The following FRMD7 variants were observed in gnomAD, a reference collection of about 807,000 sequenced individuals.
FRMD7 encodes FERM domain-containing protein 7.
Under a neutral mutation model 44.1 loss-of-function variants are expected in FRMD7, and 14 were observed. That is an observed-to-expected ratio of 0.32 (90% CI 0.21 to 0.50). The LOEUF (loss-of-function observed/expected upper bound fraction) is 0.50. Among genes scored for constraint, FRMD7 ranks in the 20% least tolerant of loss-of-function variants. The pLI, the probability that FRMD7 is intolerant of heterozygous loss-of-function variation, is 0.99. For synonymous variants in FRMD7, 212 were observed against 187.4 expected, an observed-to-expected ratio of 1.13 and a Z score of -1.07; for missense variants, 501 against 522.3, an observed-to-expected ratio of 0.96 and a Z score of 0.40.
Position 132,099,875 on chromosome X carries a change from T to C in FRMD7, c.163-365A>G, listed in dbSNP as rs369372645. The stretch of plus-strand genomic sequence containing the variant: ...CTCCAGTCCCCAAATGCCAGTCTAA[T>C]AGACATAATGAGCCTTTCTGGGAAG... On this transcript the variant is annotated intron_variant, in intron 2 of 11. Coordinates refer to ENST00000298542, the MANE Select transcript of FRMD7 (RefSeq NM_194277.3). 5.3e-4 allele frequency among the ~76,000 whole-genome samples: 59 copies of C among 111,839 alleles called. No individual in the cohort carries two copies. In the East Asian group the frequency reaches 0.014, roughly 27 times the overall value.
intron 1 of FRMD7, among the ~76,000 whole-genome samples, chrX:132,126,334 A>G (rs1453520009): frequency 9.0e-6 from 1 of 111,658 alleles, no homozygotes; most frequent in Non-Finnish European, 1.9e-5. Context: ...AATCTCTCCC[A>G]TTATCTTTCC....
intron 1 of FRMD7, among the ~76,000 whole-genome samples, chrX:132,121,419 A>G (rs967830147): frequency 9.0e-6 from 1 of 111,680 alleles, no homozygotes; most frequent in African/African-American, 3.3e-5. Flanking sequence ...CTTGGACATA[A>G]GAAGCAGGAC....
intron 1 of FRMD7, among the ~76,000 whole-genome samples, chrX:132,123,752 T>C (rs978831465): frequency 8.9e-6 from 1 of 112,457 alleles, no homozygotes; most frequent in African/African-American, 3.2e-5. Context: ...ACTTACTATA[T>C]TCTGTTACTG....
In FRMD7 at chrX:132,078,609, C is replaced by T; in HGVS notation, c.1408G>A (p.Ala470Thr). Residue 470 changes from alanine to threonine, a missense_variant, in exon 12 of 12, where the codon GCA (alanine) becomes ACA (threonine). Physicochemically the swap from Ala to Thr is moderately conservative, Grantham distance 58 (BLOSUM62 0). Around this residue, in one of 3 missense-constraint regions of FRMD7, gnomAD observed 453 missense variants for 452.7 expected, o/e 1.00. Coordinates refer to ENST00000298542, the MANE Select transcript of FRMD7 (RefSeq NM_194277.3). ...YSGLTSKVRP[A>T]KQLTYTDVPY... Reference sequence around the variant, plus strand: ...ACATCCGTGTAAGTTAGCTGCTTTGCTGGACGCACTTTGCTTGTGAGGCCA... The same window carrying T: ...ACATCCGTGTAAGTTAGCTGCTTTGTTGGACGCACTTTGCTTGTGAGGCCA... The T allele has an allele frequency of 3.3e-6, 4 of 1,211,157 alleles. No homozygotes were observed. The highest frequency in any genetic ancestry group is 4.5e-6 in the Non-Finnish European group (4 of 894,916).
rs780424842 is a variant in FRMD7 at position 132,085,617 on chromosome X, G to T, written c.609C>A (p.His203Gln). ...GTACTCCCATGTGAGCAACAGCCAG[G>T]TGAATCTGCATCCCTTCACCATCAC... Reference protein sequence around the residue: ...PASDGEGMQIHLAVAHMGVLV... With the variant: ...PASDGEGMQIQLAVAHMGVLV... The change falls in exon 7 of 12, where the codon CAC becomes CAA. Residue 203 changes from histidine (H) to glutamine (Q), a missense_variant. Coordinates refer to ENST00000298542, the MANE Select transcript of FRMD7 (RefSeq NM_194277.3). 5.0e-6 allele frequency: 6 copies of T among 1,209,183 alleles called. No homozygotes were observed. The South Asian group carries it at 1.1e-4, about 21-fold the overall frequency.
At chrX:132,081,162 G>A (rs944938298) in intron 9 of FRMD7, among the ~76,000 whole-genome samples, 10 of 111,380 alleles carry the variant, frequency 9.0e-5, no homozygotes, top group East Asian at 2.8e-4. Flanking sequence ...GTGAAACCCC[G>A]TCTCTACCAA....
intron 4 of FRMD7, 167 bp from the exon 5 acceptor site, chrX:132,094,306 C>G (rs1928266614): frequency 2.2e-6 from 1 of 453,825 alleles, no homozygotes; most frequent in Non-Finnish European, 3.9e-6. Flanking sequence ...CAGCCCCAAA[C>G]CAGACCCGGA....
At chrX:132,097,678 G>T (rs1928382985) in intron 3 of FRMD7, among the ~76,000 whole-genome samples, 1 of 111,473 alleles carries the variant, frequency 9.0e-6, no homozygotes, top group Non-Finnish European at 1.9e-5. Flanking sequence ...TACAGCACTT[G>T]CTAGTTGGGA....
Position 132,090,409 on chromosome X carries a change from C to T in FRMD7, c.382+3633G>A, listed in dbSNP as rs148704952. 5.9e-3 allele frequency among the ~76,000 whole-genome samples: 656 copies of T among 111,591 alleles called. 5 individuals carry two copies. Among genetic ancestry groups the T allele is most frequent in the African/African-American group, 0.021 (634 of 30,702 alleles). ...CAAACTGTTGCAGCTCATGTTAGAGCATGCTTTAATTTAAAAATCATTATT... is the reference window on the plus strand; with the variant it reads ...CAAACTGTTGCAGCTCATGTTAGAGTATGCTTTAATTTAAAAATCATTATT... On this transcript the variant is annotated intron_variant, in intron 5 of 11. Coordinates refer to ENST00000298542, the MANE Select transcript of FRMD7 (RefSeq NM_194277.3).
chrX:132,080,100 GAA>G lies in FRMD7; in HGVS notation c.975-21_975-20del. 1 of 1,153,826 alleles carries G rather than the reference GAA, an allele frequency of 8.7e-7. No homozygotes were observed. ...ATGTTTCCTGAAATCCCCAAGCAGA[GAA>G]GTCATTGAAATGACCTTCATGTGAA... is the stretch of plus-strand genomic sequence containing the variant. On this transcript the variant is annotated intron_variant, in intron 10 of 11. Coordinates refer to ENST00000298542, the MANE Select transcript of FRMD7 (RefSeq NM_194277.3).
Position 132,100,631 on chromosome X carries a change from C to T in FRMD7, c.143G>A (p.Cys48Tyr). Residue 48 changes from cysteine (C) to tyrosine (Y), a missense_variant, in exon 2 of 12, where the codon TGC becomes TAC. Transcript: ENST00000298542. ...AEKEYFGLEF[C>Y]SHSGNNVWLE... ...ACTTACATTATTTCCAGAATGGCTGCAGAATTCTAATCCAAAATATTCCTT... is the reference window on the plus strand; with the variant it reads ...ACTTACATTATTTCCAGAATGGCTGTAGAATTCTAATCCAAAATATTCCTT... 1 of 1,198,097 alleles carries T rather than the reference C, an allele frequency of 8.3e-7. No individual in the cohort carries two copies. Among genetic ancestry groups the T allele is most frequent in the Non-Finnish European group, 1.1e-6 (1 of 882,971 alleles).
At chrX:132,105,727 G>A (rs894989660) in intron 1 of FRMD7, among the ~76,000 whole-genome samples, 9 of 111,252 alleles carry the variant, frequency 8.1e-5, no homozygotes, top group South Asian at 3.8e-4. Context: ...CCATCAAATC[G>A]TCGACAAAGC....
At chrX:132,079,874 C>T (rs1008624393) in intron 11 of FRMD7, 132 bp downstream of exon 11, 3 of 548,995 alleles carry the variant, frequency 5.5e-6, no homozygotes, top group Non-Finnish European at 9.8e-6. Context: ...CAGACCTCCC[C>T]AGGAAGCTAA....
chrX:132,078,800 T>C lies in FRMD7; in HGVS notation c.1217A>G (p.His406Arg). 3 of 1,211,275 alleles carry C rather than the reference T, an allele frequency of 2.5e-6. No individual in the cohort carries two copies. The highest frequency in any genetic ancestry group is 3.4e-6 in the Non-Finnish European group (3 of 895,246). ...SKPEADPTLLHQSQSSSSFPF... is the reference protein window; with the variant it reads ...SKPEADPTLLRQSQSSSSFPF... ...GAAAGAGGAACTGCTTTGGGACTGA[T>C]GTAGCAATGTGGGATCCGCCTCTGG... The change falls in exon 12 of 12, where the codon CAT becomes CGT. Residue 406 changes from histidine to arginine, a missense_variant. Coordinates refer to ENST00000298542, the MANE Select transcript of FRMD7 (RefSeq NM_194277.3).
chrX:132,115,463 T>C (rs1056892602), intron 1 of FRMD7, among the ~76,000 whole-genome samples: 7 of 112,519 alleles, frequency 6.2e-5, no homozygotes, highest in Non-Finnish European at 1.3e-4. Context: ...AAAAGACTAA[T>C]GTACAAGAGA....
intron 1 of FRMD7, among the ~76,000 whole-genome samples, chrX:132,112,063 C>T (rs1288796086): frequency 8.9e-6 from 1 of 111,958 alleles, no homozygotes; most frequent in East Asian, 2.8e-4. Context: ...TTAAAAGGCT[C>T]ATATTTTACA....
intron 1 of FRMD7, among the ~76,000 whole-genome samples, chrX:132,119,756 T>C (rs989844598): frequency 9.0e-6 from 1 of 111,287 alleles, no homozygotes; most frequent in Non-Finnish European, 1.9e-5. Context: ...AAAATGTTCC[T>C]CGGAACGCCT....
intron 5 of FRMD7, among the ~76,000 whole-genome samples, chrX:132,088,615 C>T (rs1201493825): frequency 1.8e-5 from 2 of 108,403 alleles, no homozygotes; most frequent in Non-Finnish European, 3.8e-5. Context: ...CTATGAAAAA[C>T]TACTAGAACT....
intron 1 of FRMD7, among the ~76,000 whole-genome samples, chrX:132,119,665 G>A (rs1265027514): frequency 8.1e-5 from 9 of 111,520 alleles, no homozygotes; most frequent in Non-Finnish European, 9.4e-5. Flanking sequence ...TGATGTGGGG[G>A]TAATAATTGT....
Sources: gnomAD v4.1 joint callset for allele counts (sites outside exome capture counted in the v4.1 genomes callset) on GRCh38, gnomAD v4.1.1 for gene constraint, gnomAD v4.1.1 regional missense constraint, MANE v1.5 for transcripts, NCBI Gene and HGNC (gene_info 2026-07-23, HGNC 2026-07-21) for gene names.